SGCG: variants seen among roughly 807,000 people sequenced by gnomAD.
SGCG encodes the protein sarcoglycan gamma, also known as gamma-sarcoglycan.
A neutral mutation model predicts 29.3 loss-of-function variants in SGCG; 26 were observed. The observed-to-expected ratio is 0.89, with a 90% CI of 0.65 to 1.23. The LOEUF is 1.23. Ranked by LOEUF, SGCG falls within the 50% of genes most tolerant of loss-of-function variation. SGCG has a pLI of 0.00. For synonymous variants in SGCG, 145 were observed against 129.7 expected, an observed-to-expected ratio of 1.12 and a Z score of -0.80; for missense variants, 353 against 356.0, an observed-to-expected ratio of 0.99 and a Z score of 0.07.
chr13:23,236,705 T>TAAC (rs1311375977), intron 3 of SGCG, among the ~76,000 whole-genome samples: 1 of 151,842 alleles, frequency 6.6e-6, no homozygotes, highest in Non-Finnish European at 1.5e-5. Context: ...ATAATAATAA[T>TAAC]AACTCTCAGT....
chr13:23,220,526 A>G (rs560884899), intron 2 of SGCG, among the ~76,000 whole-genome samples: 5 of 152,352 alleles, frequency 3.3e-5, no homozygotes, highest in Non-Finnish European at 5.9e-5. Flanking sequence ...ATTAGAAGAT[A>G]TCATTCAGTT....
At chr13:23,241,038 A>G (rs1879485958) in intron 3 of SGCG, among the ~76,000 whole-genome samples, 1 of 151,378 alleles carries the variant, frequency 6.6e-6, no homozygotes, top group South Asian at 2.1e-4. Flanking sequence ...AGTCCCAGCT[A>G]CTTGGGAGGC....
At chr13:23,282,657 G>A (rs1332791370) in intron 5 of SGCG, among the ~76,000 whole-genome samples, 1 of 152,160 alleles carries the variant, frequency 6.6e-6, no homozygotes, top group Non-Finnish European at 1.5e-5. Flanking sequence ...AGAAGGGCAT[G>A]CATGATCACA....
At chr13:23,196,376 G>A (rs1018838709) in intron 1 of SGCG, among the ~76,000 whole-genome samples, 1 of 70,898 alleles carries the variant, frequency 1.4e-5, no homozygotes, top group African/African-American at 5.8e-5. Flanking sequence ...ATATCTTTTG[G>A]GGGGGTTATT....
At chr13:23,187,009 C>T (rs1473320921) in intron 1 of SGCG, among the ~76,000 whole-genome samples, 2 of 152,176 alleles carry the variant, frequency 1.3e-5, no homozygotes, top group African/African-American at 4.8e-5. Context: ...GCTGCTGTAT[C>T]CAGGTTCAGC....
chr13:23,278,865 C>T (rs772749220), intron 4 of SGCG, among the ~76,000 whole-genome samples: 5 of 152,092 alleles, frequency 3.3e-5, no homozygotes, highest in African/African-American at 4.8e-5. Flanking sequence ...CTGTTTTCCC[C>T]GTGGGGTAAG....
chr13:23,210,499 G>A (rs889568476), intron 2 of SGCG, among the ~76,000 whole-genome samples: 1 of 152,080 alleles, frequency 6.6e-6, no homozygotes, highest in Non-Finnish European at 1.5e-5. Context: ...AGACCATCCT[G>A]GTTAACACAG....
chr13:23,255,315 T>G (rs1880137690), intron 4 of SGCG, among the ~76,000 whole-genome samples: 2 of 152,218 alleles, frequency 1.3e-5, no homozygotes, highest in Non-Finnish European at 2.9e-5. Flanking sequence ...AATGGCAACA[T>G]TTACCCAATG....
intron 7 of SGCG, among the ~76,000 whole-genome samples, chr13:23,322,765 T>TCCCCCCCCCC (rs1189871837): frequency 0.03 from 1,824 of 61,414 alleles, 19 homozygotes; most frequent in Non-Finnish European, 0.035. Context: ...CCCCCACCCA[T>TCCCCCCCCCC]CCACCTCCCC....
At chr13:23,308,326 A>T (rs1414178835) in intron 6 of SGCG, among the ~76,000 whole-genome samples, 1 of 152,174 alleles carries the variant, frequency 6.6e-6, no homozygotes, top group East Asian at 1.9e-4. Context: ...TTGCTTTCTG[A>T]GTGGGAATAC....
At chr13:23,242,612 C>T (rs762493790) in intron 3 of SGCG, among the ~76,000 whole-genome samples, 2 of 152,092 alleles carry the variant, frequency 1.3e-5, no homozygotes, top group East Asian at 1.9e-4. Flanking sequence ...ATAAAATGTT[C>T]TCCTTATACC....
intron 2 of SGCG, among the ~76,000 whole-genome samples, chr13:23,233,628 G>A (rs9510641): frequency 1.3e-5 from 2 of 151,974 alleles, no homozygotes; most frequent in African/African-American, 4.8e-5. Flanking sequence ...ACATCACAAA[G>A]GTACTTAATA....
At chr13:23,167,989 G>C in the SGCG span, among the ~76,000 whole-genome samples, 1 of 152,070 alleles carries the variant, frequency 6.6e-6, no homozygotes, top group Admixed American at 6.5e-5. Flanking sequence ...CGTGTGCCTC[G>C]ATCTCCCAAA....
At chr13:23,219,773 T>A (rs1261579449) in intron 2 of SGCG, among the ~76,000 whole-genome samples, 1 of 150,998 alleles carries the variant, frequency 6.6e-6, no homozygotes, top group Non-Finnish European at 1.5e-5. Context: ...TGAGATGGAG[T>A]CTGGCTCTGT....
At chr13:23,284,380 C>T (rs796865185) in intron 5 of SGCG, among the ~76,000 whole-genome samples, 34 of 152,242 alleles carry the variant, frequency 2.2e-4, no homozygotes, top group African/African-American at 7.5e-4. Context: ...GATATCCTTT[C>T]TTCTGATTGA....
intron 6 of SGCG, among the ~76,000 whole-genome samples, chr13:23,312,370 C>G (rs908808712): frequency 3.3e-5 from 5 of 152,074 alleles, no homozygotes; most frequent in African/African-American, 4.8e-5. Flanking sequence ...GTTTTGAAAA[C>G]TAGAAAGGGA....
intron 6 of SGCG, 78 bp downstream of exon 6, chr13:23,295,565 G>T: frequency 1.0e-6 from 1 of 956,650 alleles, no homozygotes; most frequent in South Asian, 1.3e-5. Context: ...TGTTAGCAGT[G>T]ACTACTTCCT....
chr13:23,304,171 T>G (rs1458477298), intron 6 of SGCG, among the ~76,000 whole-genome samples: 2 of 152,220 alleles, frequency 1.3e-5, no homozygotes, highest in Non-Finnish European at 1.5e-5. Context: ...TTAAATAATT[T>G]TTCCCAGCTT....
intron 6 of SGCG, among the ~76,000 whole-genome samples, chr13:23,298,029 G>A (rs1881976586): frequency 6.7e-6 from 1 of 150,366 alleles, no homozygotes; most frequent in Admixed American, 6.6e-5. Flanking sequence ...ACAGGCATGA[G>A]CCACCGCGGC....
Sources: gnomAD v4.1 joint callset for allele counts (sites outside exome capture counted in the v4.1 genomes callset) on GRCh38, gnomAD v4.1.1 for gene constraint, MANE v1.5 for transcripts, NCBI Gene and HGNC (gene_info 2026-07-23, HGNC 2026-07-21) for gene names.